The following RBPMS variants were observed in gnomAD, a reference collection of about 807,000 sequenced individuals.
RBPMS encodes RNA binding protein, mRNA processing factor.
RBPMS carries 7 observed loss-of-function variants against 26.8 expected under a neutral mutation model. The ratio of observed to expected loss-of-function variants is 0.26; its 90% confidence interval spans 0.15 to 0.49. The LOEUF (loss-of-function observed/expected upper bound fraction) is 0.49. Among genes scored for constraint, RBPMS ranks in the 20% least tolerant of loss-of-function variants. RBPMS has a pLI of 0.98. For missense variants in RBPMS, 186 were observed against 250.0 expected (o/e 0.74, Z 1.73); for synonymous variants, 96 against 93.3 (o/e 1.03, Z -0.17).
intron 5 of RBPMS, among the ~76,000 whole-genome samples, chr8:30,543,847 A>G (rs1825637769): frequency 6.6e-6 from 1 of 152,190 alleles, no homozygotes; most frequent in Non-Finnish European, 1.5e-5. Context: ...GCAACTGGAA[A>G]TGTTCCTGTT....
chr8:30,489,483 T>C (rs1819147521), intron 4 of RBPMS, among the ~76,000 whole-genome samples: 1 of 152,222 alleles, frequency 6.6e-6, no homozygotes, highest in Non-Finnish European at 1.5e-5. Context: ...TTCGAGACAG[T>C]CTCGCTCTGT....
chr8:30,484,662 A>G (rs763341499), intron 4 of RBPMS, among the ~76,000 whole-genome samples: 8 of 152,220 alleles, frequency 5.3e-5, no homozygotes, highest in Non-Finnish European at 7.3e-5. Context: ...TTTTGATTCA[A>G]TAGTATTTGC....
At chr8:30,388,127 G>A (rs1046178544) in intron 1 of RBPMS, among the ~76,000 whole-genome samples, 15 of 152,062 alleles carry the variant, frequency 9.9e-5, no homozygotes, top group Non-Finnish European at 2.1e-4. Context: ...TATTATACAT[G>A]TGTGTTCCCT....
chr8:30,558,373 A>G, intron 6 of RBPMS: 1 of 186,148 alleles, frequency 5.4e-6, no homozygotes, highest in Non-Finnish European at 1.1e-5. Context: ...GGTACCAGAC[A>G]CACACAGTGC....
In RBPMS at chr8:30,472,103, T is replaced by A. The variant is rs1276755596; in HGVS notation, c.67-2676T>A. 2.0e-5 allele frequency among the ~76,000 whole-genome samples: 3 copies of A among 152,214 alleles called. No individual in the cohort carries two copies. In the South Asian group the frequency reaches 6.2e-4, roughly 32 times the overall value. On this transcript the variant is annotated intron_variant, in intron 1 of 8. Transcript: ENST00000397323. Reference sequence around the variant, plus strand: ...AAGTATACATCCATACAAAGATTTGTACATGAATGTTCATAGCCATTTTAT... The same window carrying A: ...AAGTATACATCCATACAAAGATTTGAACATGAATGTTCATAGCCATTTTAT...
intron 1 of RBPMS, among the ~76,000 whole-genome samples, chr8:30,393,199 G>C (rs887042759): frequency 3.9e-5 from 6 of 152,088 alleles, no homozygotes; most frequent in South Asian, 4.2e-4. Flanking sequence ...GAAAGCCTGA[G>C]GGGGAGCTTA....
At chr8:30,530,544 C>T (rs1824101483) in intron 5 of RBPMS, among the ~76,000 whole-genome samples, 1 of 152,090 alleles carries the variant, frequency 6.6e-6, no homozygotes, top group African/African-American at 2.4e-5. Flanking sequence ...CTCACTGCAC[C>T]ATCCGCTTCC....
chr8:30,417,107 A>G (rs1328511681), intron 1 of RBPMS, among the ~76,000 whole-genome samples: 3 of 152,192 alleles, frequency 2.0e-5, no homozygotes, highest in African/African-American at 4.8e-5. Flanking sequence ...TGTTCTTCTA[A>G]GAGACAGATG....
chr8:30,436,365 A>G (rs1296163015), intron 1 of RBPMS, among the ~76,000 whole-genome samples: 2 of 152,350 alleles, frequency 1.3e-5, no homozygotes, highest in South Asian at 2.1e-4. Context: ...AATGACTACC[A>G]TAATTAACCT....
intron 6 of RBPMS, among the ~76,000 whole-genome samples, chr8:30,549,976 A>G (rs995208817): frequency 7.4e-4 from 111 of 151,014 alleles, no homozygotes; most frequent in Admixed American, 1.9e-3. Context: ...TCAGCCTCCC[A>G]AGTAGCTGGG....
At chr8:30,564,891 C>T (rs976752993) in intron 7 of RBPMS, 1 of 152,266 alleles carries the variant, frequency 6.6e-6, no homozygotes, top group African/African-American at 2.4e-5. Flanking sequence ...GGGTTGTCCC[C>T]TATGCTCCTG....
At chr8:30,489,453 T>C (rs1432002675) in intron 4 of RBPMS, among the ~76,000 whole-genome samples, 1 of 151,086 alleles carries the variant, frequency 6.6e-6, no homozygotes, top group Non-Finnish European at 1.5e-5. Context: ...TAAAGTCTCT[T>C]TTTCTTTTCT....
At chr8:30,511,485 AAATATATATATATATATAT>A (rs1468303420) in intron 5 of RBPMS, among the ~76,000 whole-genome samples, 17 of 6,144 alleles carry the variant, frequency 2.8e-3, no homozygotes, top group Admixed American at 0.02. Context: ...AAAAAAAAAA[AAATATATATATATATATAT>A]ATATATATAT....
chr8:30,393,794 C>T (rs1461618544), intron 1 of RBPMS, among the ~76,000 whole-genome samples: 1 of 151,892 alleles, frequency 6.6e-6, no homozygotes, highest in African/African-American at 2.4e-5. Context: ...GCTGGGATTA[C>T]AGGCATGAGC....
chr8:30,501,954 T>C (rs1401546018), intron 4 of RBPMS, among the ~76,000 whole-genome samples: 75 of 152,142 alleles, frequency 4.9e-4, no homozygotes, highest in Non-Finnish European at 2.9e-5. Context: ...CTCCTCTTCA[T>C]CATCCCTTAA....
intron 1 of RBPMS, among the ~76,000 whole-genome samples, chr8:30,465,904 C>G (rs1178507689): frequency 6.6e-6 from 1 of 152,146 alleles, no homozygotes; most frequent in Non-Finnish European, 1.5e-5. Context: ...GTGTGGTATA[C>G]CCAGTGCTAA....
At chr8:30,501,199 C>T (rs1820513549) in intron 4 of RBPMS, among the ~76,000 whole-genome samples, 2 of 151,940 alleles carry the variant, frequency 1.3e-5, no homozygotes, top group Admixed American at 1.3e-4. Context: ...CTCCAAAGTC[C>T]TCAGTCATGG....
At chr8:30,392,251 T>C (rs985780670) in intron 1 of RBPMS, among the ~76,000 whole-genome samples, 1 of 152,138 alleles carries the variant, frequency 6.6e-6, no homozygotes, top group African/African-American at 2.4e-5. Flanking sequence ...AGATGACGTA[T>C]GAGCTAAATC....
chr8:30,443,064 G>A (rs531001382), intron 1 of RBPMS, among the ~76,000 whole-genome samples: 1 of 152,092 alleles, frequency 6.6e-6, no homozygotes, highest in Admixed American at 6.5e-5. Context: ...AAGTATTCTC[G>A]TCCACACAGT....
Sources: gnomAD v4.1 joint callset for allele counts (sites outside exome capture counted in the v4.1 genomes callset) on GRCh38, gnomAD v4.1.1 for gene constraint, MANE v1.5 for transcripts, NCBI Gene and HGNC (gene_info 2026-07-23, HGNC 2026-07-21) for gene names.